The following KIAA1549 variants were observed in gnomAD, a reference collection of about 807,000 sequenced individuals.
The protein encoded by KIAA1549 is KIAA1549.
In KIAA1549, 70 loss-of-function variants were observed where a neutral mutation model predicts 156.4. That is an observed-to-expected ratio of 0.45 (90% CI 0.37 to 0.55). The LOEUF (loss-of-function observed/expected upper bound fraction) is 0.55. Ranked by LOEUF, KIAA1549 falls within the 20% of genes least tolerant of loss-of-function variation. The probability of loss-of-function intolerance (pLI) is 0.00; values close to 1 mark genes in which losing one functional copy is unlikely to be tolerated. For missense variants in KIAA1549, 2,428 were observed against 2,540.9 expected, an observed-to-expected ratio of 0.96 and a Z score of 0.96; for synonymous variants, 1,103 against 1,066.4, an observed-to-expected ratio of 1.03 and a Z score of -0.67.
chr7:138,972,398 G>A (rs1463915041), intron 1 of KIAA1549, among the ~76,000 whole-genome samples: 2 of 118,602 alleles, frequency 1.7e-5, no homozygotes, highest in Middle Eastern at 3.9e-3. Context: ...ACCTGCCCTG[G>A]GATCTCAGCT....
intron 1 of KIAA1549, among the ~76,000 whole-genome samples, chr7:138,938,233 T>G (rs1247745466): frequency 3.3e-5 from 5 of 152,214 alleles, no homozygotes; most frequent in African/African-American, 9.6e-5. Context: ...CTTGGACTTC[T>G]CACTCCAGAA....
intron 1 of KIAA1549, among the ~76,000 whole-genome samples, chr7:138,969,136 T>C (rs1458172652): frequency 2.0e-5 from 3 of 152,180 alleles, no homozygotes; most frequent in Non-Finnish European, 4.4e-5. Flanking sequence ...GTTCATAAGT[T>C]ACGATTTAGC....
intron 1 of KIAA1549, among the ~76,000 whole-genome samples, chr7:138,927,459 G>A (rs2130498815): frequency 6.6e-6 from 1 of 152,334 alleles, no homozygotes; most frequent in East Asian, 1.9e-4. Context: ...CCAACATAGT[G>A]AAACCCTGTC....
At position 138,949,704 on chromosome 7, in the gene KIAA1549, A is replaced by G. The variant is rs147276814; in HGVS notation, c.188-30266T>C. ...TGCCTCAAGGTTAAAAAATTCCTAA[A>G]GTCACCAAACAGTAGTGTGGCTTCA... is the stretch of plus-strand genomic sequence containing the variant. On this transcript the variant is annotated intron_variant, in intron 1 of 19. Transcript: ENST00000422774. Among the ~76,000 whole-genome samples the G allele has an allele frequency of 3.3e-3, 509 of 152,288 alleles. 5 individuals are homozygous for G. The highest frequency in any genetic ancestry group is 0.012 in the African/African-American group (483 of 41,534).
At position 138,909,136 on chromosome 7, in the gene KIAA1549, A is replaced by G. The variant is rs372024335; in HGVS notation, c.3146-15T>C. Reference sequence around the variant, plus strand: ...AAACTGAAGTACTGAAAAGAAAAGCAATCAAAGTCCCATAAATGAGGTGTT... The same window carrying G: ...AAACTGAAGTACTGAAAAGAAAAGCGATCAAAGTCCCATAAATGAGGTGTT... On this transcript the variant is annotated splice_polypyrimidine_tract_variant and intron_variant, in intron 4 of 19. Coordinates refer to ENST00000422774, the MANE Select transcript of KIAA1549 (RefSeq NM_001164665.2). 21 of 1,607,614 alleles carry G rather than the reference A, an allele frequency of 1.3e-5. No homozygotes were observed. The highest frequency in any genetic ancestry group is 2.7e-5 in the African/African-American group (2 of 74,864).
In KIAA1549 at chr7:138,832,190, C is replaced by CTTTTTTTTTTTTTTTTTTTTT. The variant is rs1563039449; in HGVS notation, c.*5715_*5716insAAAAAAAAAAAAAAAAAAAAA. 1.1e-3 allele frequency: 195 copies of CTTTTTTTTTTTTTTTTTTTTT among 169,924 alleles called. 14 individuals carry two copies. The highest frequency in any genetic ancestry group is 2.0e-3 in the Middle Eastern group (1 of 510). The allele number at this position is 169,924 out of a possible 1,614,324, so 10.5% of individuals were successfully genotyped here. ...TTCACCTCTGTCCCTTTTACCTATT[C>CTTTTTTTTTTTTTTTTTTTTT]CTTTTTTTTTTTTTTTTTTTTCCAG... On this transcript the variant is annotated 3_prime_UTR_variant, in exon 20 of 20. Coordinates refer to ENST00000422774, the MANE Select transcript of KIAA1549 (RefSeq NM_001164665.2).
intron 5 of KIAA1549, 81 bp from the exon 6 acceptor site, chr7:138,907,183 C>T (rs1397167159): frequency 2.5e-6 from 3 of 1,194,266 alleles, no homozygotes; most frequent in Non-Finnish European, 3.4e-6. Context: ...CTCACAGGTC[C>T]TCTCACCGAT....
At chr7:138,934,783 C>T (rs1339177967) in intron 1 of KIAA1549, among the ~76,000 whole-genome samples, 1 of 152,202 alleles carries the variant, frequency 6.6e-6, no homozygotes, top group Admixed American at 6.5e-5. Context: ...TTCTCTAACC[C>T]TCAAACCATA....
intron 1 of KIAA1549, among the ~76,000 whole-genome samples, chr7:138,920,694 G>C (rs898855595): frequency 1.3e-5 from 2 of 152,182 alleles, no homozygotes; most frequent in Non-Finnish European, 2.9e-5. Context: ...AGGGCCCAGG[G>C]ACTGTCCTCT....
At chr7:138,863,225 C>A (rs1810640008) in intron 15 of KIAA1549, among the ~76,000 whole-genome samples, 1 of 151,376 alleles carries the variant, frequency 6.6e-6, no homozygotes, top group African/African-American at 2.4e-5. Flanking sequence ...GGACCCCATA[C>A]CCTCTGTGAG....
At chr7:138,882,911 C>G (rs1021751131) in intron 10 of KIAA1549, among the ~76,000 whole-genome samples, 26 of 151,908 alleles carry the variant, frequency 1.7e-4, no homozygotes, top group African/African-American at 6.3e-4. Context: ...ACTAGGGATG[C>G]CAGGCCTCAG....
At chr7:138,883,754 A>G (rs1811314330) in intron 10 of KIAA1549, among the ~76,000 whole-genome samples, 1 of 152,188 alleles carries the variant, frequency 6.6e-6, no homozygotes, top group Non-Finnish European at 1.5e-5. Context: ...TGGTCGTCCC[A>G]AGGGGTCTCC....
At position 138,909,933 on chromosome 7, in the gene KIAA1549, C is replaced by G. The variant is rs137877910; in HGVS notation, c.3146-812G>C. Among the ~76,000 whole-genome samples, 22 of 152,178 alleles carry G rather than the reference C, an allele frequency of 1.4e-4. No individual in the cohort carries two copies. In the East Asian group the frequency reaches 3.7e-3, roughly 25 times the overall value. On this transcript the variant is annotated intron_variant, in intron 4 of 19. Transcript: ENST00000422774. ...TTGCACTCTAGCCTGAGCAACAAAG[C>G]AAGACTCCAGCTCCAAAAAAAAGAA...
intron 15 of KIAA1549, among the ~76,000 whole-genome samples, chr7:138,862,627 A>G (rs896363873): frequency 1.3e-5 from 2 of 152,190 alleles, no homozygotes; most frequent in Non-Finnish European, 2.9e-5. Context: ...TCTGGATCAC[A>G]AGAGTCATTA....
chr7:138,976,606 A>C (rs1814387579), intron 1 of KIAA1549, among the ~76,000 whole-genome samples: 1 of 152,186 alleles, frequency 6.6e-6, no homozygotes, highest in Admixed American at 6.5e-5. Context: ...TTTTTTAATT[A>C]AACTTTATTG....
chr7:138,914,858 A>G (rs1012095114), intron 2 of KIAA1549, among the ~76,000 whole-genome samples: 3 of 152,234 alleles, frequency 2.0e-5, no homozygotes, highest in African/African-American at 7.2e-5. Context: ...AGTGTACACC[A>G]CATATGAAAG....
At chr7:138,909,904 G>A (rs34648047) in intron 4 of KIAA1549, among the ~76,000 whole-genome samples, 21,162 of 151,976 alleles carry the variant, frequency 0.14, 1,781 homozygotes, top group African/African-American at 0.23. Flanking sequence ...CAGAGATCGC[G>A]CCATTGCACT....
At chr7:138,893,747 C>T (rs1482135555) in intron 10 of KIAA1549, among the ~76,000 whole-genome samples, 1 of 152,248 alleles carries the variant, frequency 6.6e-6, no homozygotes, top group Non-Finnish European at 1.5e-5. Context: ...GCCTTGGCTC[C>T]TATCCTCTGA....
chr7:138,921,994 G>C (rs540066375), intron 1 of KIAA1549, among the ~76,000 whole-genome samples: 13 of 152,246 alleles, frequency 8.5e-5, no homozygotes, highest in Admixed American at 2.0e-4. Flanking sequence ...AAGATTGACA[G>C]CAAATCACCA....
Sources: allele counts gnomAD v4.1 joint callset (sites outside exome capture counted in the v4.1 genomes callset), GRCh38; gene constraint gnomAD v4.1.1; transcripts MANE v1.5; gene names NCBI Gene and HGNC (gene_info 2026-07-23, HGNC 2026-07-21).